The following TEX14 variants were observed in gnomAD, a reference collection of about 807,000 sequenced individuals.
TEX14 encodes testis expressed 14, intercellular bridge forming factor.
Under a neutral mutation model 178.6 loss-of-function variants are expected in TEX14, and 168 were observed. The ratio of observed to expected loss-of-function variants is 0.94; its 90% CI spans 0.83 to 1.07. The LOEUF is 1.07. TEX14 is among the 50% of genes least tolerant of loss of function. The pLI is 0.00. For missense variants in TEX14, 1,730 were observed against 1,753.6 expected, an observed-to-expected ratio of 0.99 and a Z score of 0.24; for synonymous variants, 626 against 634.1, an observed-to-expected ratio of 0.99 and a Z score of 0.19.
At chr17:58,617,953 C>T (rs1208753630) in intron 5 of TEX14, among the ~76,000 whole-genome samples, 2 of 152,228 alleles carry the variant, frequency 1.3e-5, no homozygotes, top group Non-Finnish European at 2.9e-5. Flanking sequence ...GGATCATTTG[C>T]TCTGCCAGCT....
Position 58,585,993 on chromosome 17 carries a change from C to T in TEX14, c.2878G>A (p.Glu960Lys), listed in dbSNP as rs759890077. 2.3e-5 allele frequency: 37 copies of T among 1,614,082 alleles called. No individual in the cohort carries two copies. The highest frequency in any genetic ancestry group is 1.6e-4 in the Middle Eastern group (1 of 6,062). The change falls in exon 18 of 32, where the codon GAG becomes AAG. Residue 960 changes from glutamate (E) to lysine (K), a missense_variant. Physicochemically the swap from Glu to Lys is moderately conservative, Grantham distance 56 (BLOSUM62 1). Coordinates refer to ENST00000349033, the MANE Select transcript of TEX14 (RefSeq NM_031272.5). ...HPQSSLTLES[E>K]AENEPDALLQ... ...AGGGCGTCGGGCTCATTTTCAGCCT[C>T]GCTCTCTAAAGTCAGACTACTCTGA...
intron 1 of TEX14, chr17:58,677,672 A>G (rs2047416592): frequency 6.6e-6 from 1 of 152,194 alleles, no homozygotes; most frequent in Admixed American, 6.5e-5. Flanking sequence ...ACAGAATGCA[A>G]TGAGTGAACC....
chr17:58,634,258 C>A (rs192514980), intron 2 of TEX14, among the ~76,000 whole-genome samples: 16 of 151,872 alleles, frequency 1.1e-4, no homozygotes, highest in Admixed American at 1.0e-3. Context: ...ACTAAAAATA[C>A]AAAAATTAGC....
At chr17:58,690,773 G>A (rs1332248483) in intron 1 of TEX14, among the ~76,000 whole-genome samples, 1 of 152,120 alleles carries the variant, frequency 6.6e-6, no homozygotes, top group Non-Finnish European at 1.5e-5. Flanking sequence ...AATGCTTCTC[G>A]TATTCTCCCC....
At chr17:58,658,349 T>A (rs2047012493) in intron 1 of TEX14, among the ~76,000 whole-genome samples, 1 of 150,934 alleles carries the variant, frequency 6.6e-6, no homozygotes. Flanking sequence ...ATTACAGGCA[T>A]GCACCACCTG....
In TEX14 at chr17:58,565,773, G is replaced by A; in HGVS notation, c.3938C>T (p.Ala1313Val). The A allele has an allele frequency of 6.2e-7, 1 of 1,610,260 alleles. No homozygotes were observed. The highest frequency in any genetic ancestry group is 8.5e-7 in the Non-Finnish European group (1 of 1,178,316). ...ATTTGCAGTGCCTCCTCCATCACTTGCTGTGTTCTCATGCAACACCGTGGA... is the reference window on the plus strand; with the variant it reads ...ATTTGCAGTGCCTCCTCCATCACTTACTGTGTTCTCATGCAACACCGTGGA... ...GSSTVLHENTASDGGGTANDQ... is the reference protein window; with the variant it reads ...GSSTVLHENTVSDGGGTANDQ... The change falls in exon 27 of 32, where the codon GCA becomes GTA. Residue 1313 changes from alanine to valine, a missense_variant. Physicochemically the swap from Ala to Val is moderately conservative, Grantham distance 64. Coordinates refer to ENST00000349033, the MANE Select transcript of TEX14 (RefSeq NM_031272.5).
chr17:58,658,861 G>A (rs1212743305), intron 1 of TEX14, among the ~76,000 whole-genome samples: 3 of 151,826 alleles, frequency 2.0e-5, no homozygotes, highest in African/African-American at 7.3e-5. Flanking sequence ...GGAGTGCAGT[G>A]GCACAATATT....
At chr17:58,608,930 C>T (rs2045679986) in intron 10 of TEX14, among the ~76,000 whole-genome samples, 1 of 152,204 alleles carries the variant, frequency 6.6e-6, no homozygotes, top group Non-Finnish European at 1.5e-5. Flanking sequence ...AGGGAGGCTT[C>T]TGCTCCCTGA....
At chr17:58,676,273 G>A (rs1237986216) in intron 1 of TEX14, among the ~76,000 whole-genome samples, 1 of 152,116 alleles carries the variant, frequency 6.6e-6, no homozygotes, top group East Asian at 1.9e-4. Context: ...CTACTCAGGA[G>A]GTTGAGGCAG....
intron 26 of TEX14, among the ~76,000 whole-genome samples, chr17:58,566,530 G>A (rs2044401932): frequency 6.6e-6 from 1 of 152,196 alleles, no homozygotes; most frequent in Non-Finnish European, 1.5e-5. Flanking sequence ...TGAGCATGGT[G>A]GCTCACGCCT....
chr17:58,658,799 A>T lies in TEX14; in HGVS notation c.-1-6797T>A, dbSNP rs989244722. On this transcript the variant is annotated intron_variant, in intron 1 of 31. Transcript: ENST00000349033. ...TAACTTCCCACCTGAAGACCCAGGAATTTTTTTTTTTTACTTTTCTTCATT... is the reference window on the plus strand; with the variant it reads ...TAACTTCCCACCTGAAGACCCAGGATTTTTTTTTTTTTACTTTTCTTCATT... Among the ~76,000 whole-genome samples the T allele has an allele frequency of 6.8e-5, 10 of 147,874 alleles. No individual in the cohort carries two copies. The South Asian group carries it at 1.7e-3, about 25-fold the overall frequency.
intron 2 of TEX14, among the ~76,000 whole-genome samples, chr17:58,644,534 G>T (rs575400675): frequency 2.7e-5 from 4 of 149,712 alleles, no homozygotes; most frequent in African/African-American, 9.8e-5. Flanking sequence ...GTTTCACCAT[G>T]TTGGTCAAGC....
At chr17:58,613,287 C>T in intron 9 of TEX14, 134 bp downstream of exon 9, 3 of 1,072,008 alleles carry the variant, frequency 2.8e-6, no homozygotes, top group Non-Finnish European at 4.1e-6. Context: ...TTATACAGCC[C>T]CTATAAAGCA....
At chr17:58,580,472 C>T (rs763610402) in intron 19 of TEX14, among the ~76,000 whole-genome samples, 14 of 152,092 alleles carry the variant, frequency 9.2e-5, no homozygotes, top group Non-Finnish European at 1.9e-4. Context: ...CCACTGCGCC[C>T]GGTTAATTTT....
chr17:58,607,502 C>A (rs1241366614), intron 10 of TEX14, among the ~76,000 whole-genome samples: 3 of 2,004 alleles, frequency 1.5e-3, no homozygotes, highest in African/African-American at 0.015. Context: ...CCTCTACTAT[C>A]TGTTTAGCCC....
At chr17:58,616,140 T>C (rs1366683752) in intron 7 of TEX14, 35 bp downstream of exon 7, 1 of 1,590,626 alleles carries the variant, frequency 6.3e-7, no homozygotes, top group East Asian at 2.3e-5. Flanking sequence ...CCCCTGAAAC[T>C]GAATCAGACC....
intron 2 of TEX14, among the ~76,000 whole-genome samples, chr17:58,632,359 C>T (rs1271082974): frequency 6.6e-6 from 1 of 152,178 alleles, no homozygotes; most frequent in Non-Finnish European, 1.5e-5. Context: ...TTCTACATGG[C>T]ATTGCTGTGT....
intron 26 of TEX14, chr17:58,567,719 C>T (rs2044431979): frequency 6.6e-6 from 1 of 152,204 alleles, no homozygotes; most frequent in South Asian, 2.1e-4. Flanking sequence ...TATCCTTCTG[C>T]AAAATTACTG....
rs2044241556 is a variant in TEX14 at position 58,560,014 on chromosome 17, A to C, written c.4158-452T>G. On this transcript the variant is annotated intron_variant, in intron 29 of 31. Transcript: ENST00000349033. ...CTTCATTTCCCGAAACTCTCTCCTA[A>C]GTGAAATATGTAAATAATTTAAGTA... is the stretch of plus-strand genomic sequence containing the variant. Among the ~76,000 whole-genome samples, 5 of 152,180 alleles carry C rather than the reference A, an allele frequency of 3.3e-5. No homozygotes were observed. The South Asian group carries it at 1.0e-3, about 31-fold the overall frequency.
Sources: allele counts gnomAD v4.1 joint callset (sites outside exome capture counted in the v4.1 genomes callset), GRCh38; gene constraint gnomAD v4.1.1; transcripts MANE v1.5; gene names NCBI Gene and HGNC (gene_info 2026-07-23, HGNC 2026-07-21).